Variants in HBEGF observed in about 807,000 individuals in gnomAD.
The protein encoded by HBEGF is heparin binding EGF like growth factor.
In HBEGF, 8 loss-of-function variants were observed where a neutral mutation model predicts 19.5. The observed-to-expected ratio is 0.41, with a 90% confidence interval of 0.24 to 0.74. The LOEUF is 0.74. HBEGF is among the 30% of genes least tolerant of loss of function. The pLI, the probability that HBEGF is intolerant of heterozygous loss-of-function variation, is 0.32. For synonymous variants in HBEGF, 97 were observed against 108.9 expected (o/e 0.89, Z 0.68); for missense variants, 207 against 256.9 (o/e 0.81, Z 1.33).
At chr5:140,336,663 G>A (rs144236404) in intron 3 of HBEGF, among the ~76,000 whole-genome samples, 4 of 152,230 alleles carry the variant, frequency 2.6e-5, no homozygotes, top group East Asian at 3.9e-4. Flanking sequence ...GCCTCTGCAC[G>A]CTGAGCTACC....
At chr5:140,334,317 A>C (rs1012161249) in intron 5 of HBEGF, 37 bp from the exon 6 acceptor site, 1 of 228,784 alleles carries the variant, frequency 4.4e-6, no homozygotes, top group African/African-American at 2.3e-5. Context: ...AGCCAGGTCC[A>C]GTCTAAAGAA....
intron 3 of HBEGF, among the ~76,000 whole-genome samples, chr5:140,341,952 G>A (rs1766319754): frequency 6.6e-6 from 1 of 152,198 alleles, no homozygotes; most frequent in Non-Finnish European, 1.5e-5. Context: ...GGGAAGGGGT[G>A]ATGTTGCCTG....
chr5:140,346,092 C>T lies in HBEGF; in HGVS notation c.47-8G>A. ...TCACCAGTGCCGAGAGAACTGCGGG[C>T]GAGAGGCCAGGCCGCATCAGACACC... On this transcript the variant is annotated splice_region_variant and splice_polypyrimidine_tract_variant and intron_variant, in intron 1 of 5. Coordinates refer to ENST00000230990, the MANE Select transcript of HBEGF (RefSeq NM_001945.3). This position sits in a 1 kb window ranked among gnomAD's most constrained non-coding sequence, Gnocchi z 6.1. 6.2e-7 allele frequency: 1 copy of T among 1,609,412 alleles called. No homozygotes were observed. The highest frequency in any genetic ancestry group is 8.5e-7 in the Non-Finnish European group (1 of 1,177,790).
intron 3 of HBEGF, among the ~76,000 whole-genome samples, chr5:140,339,802 A>G (rs1766281258): frequency 6.6e-6 from 1 of 152,200 alleles, no homozygotes; most frequent in African/African-American, 2.4e-5. Flanking sequence ...CAGGCTCACC[A>G]CAGCAGCCTG....
chr5:140,340,579 TCTC>T (rs1766293528), intron 3 of HBEGF, among the ~76,000 whole-genome samples: 1 of 66,302 alleles, frequency 1.5e-5, no homozygotes. Flanking sequence ...TGAGACTCTG[TCTC>T]AAAAAAAAAA....
chr5:140,346,376 G>A lies in HBEGF; in HGVS notation c.-48C>T, dbSNP rs1042184. 112,130 of 1,579,136 alleles carry A rather than the reference G, an allele frequency of 0.071. 4,558 individuals are homozygous for A. The highest frequency in any genetic ancestry group is 0.085 in the Non-Finnish European group (98,348 of 1,162,602). On this transcript the variant is annotated 5_prime_UTR_variant, in exon 1 of 6. Coordinates refer to ENST00000230990, the MANE Select transcript of HBEGF (RefSeq NM_001945.3). This position sits in a 1 kb window ranked among gnomAD's most constrained non-coding sequence, Gnocchi z 6.1. ...GCGAGGCACCAGTCACTTTCGAAGC[G>A]GCGGCCACTGGGCGCTGGCACCAGA...
At chr5:140,340,958 A>C (rs188006263) in intron 3 of HBEGF, among the ~76,000 whole-genome samples, 1 of 152,204 alleles carries the variant, frequency 6.6e-6, no homozygotes, top group Non-Finnish European at 1.5e-5. Flanking sequence ...TAGAGGTACC[A>C]AGTCCTGCCT....
chr5:140,336,505 T>G (rs938412916), intron 3 of HBEGF, among the ~76,000 whole-genome samples: 7 of 152,344 alleles, frequency 4.6e-5, no homozygotes, highest in Non-Finnish European at 7.4e-5. Context: ...CCCATCGTGC[T>G]TCCAGCGTCC....
Position 140,332,983 on chromosome 5 carries a change from G to A in HBEGF, c.*1316C>T, listed in dbSNP as rs1196100035. Reference sequence around the variant, plus strand: ...CAGCATAACTTCATCGTTTTGGTGAGGTGGGTGGGATTATACAAAGCCTTC... The same window carrying A: ...CAGCATAACTTCATCGTTTTGGTGAAGTGGGTGGGATTATACAAAGCCTTC... On this transcript the variant is annotated 3_prime_UTR_variant, in exon 6 of 6. Transcript: ENST00000230990. 6.6e-6 allele frequency: 1 copy of A among 152,560 alleles called. No individual in the cohort carries two copies. The highest frequency in any genetic ancestry group is 1.5e-5 in the Non-Finnish European group (1 of 68,026). 9.5% of individuals were successfully genotyped at this position (152,560 alleles called of 1,614,324 possible). A position where few individuals can be genotyped will look rare whatever the true frequency, so the allele number is the denominator to read the frequency against.
At chr5:140,340,367 G>A (rs1314086451) in intron 3 of HBEGF, among the ~76,000 whole-genome samples, 1 of 151,594 alleles carries the variant, frequency 6.6e-6, no homozygotes, top group Non-Finnish European at 1.5e-5. Flanking sequence ...ATCACCTGAG[G>A]TCAAGAGTTC....
intron 3 of HBEGF, 28 bp from the exon 4 acceptor site, chr5:140,336,055 T>C (rs1766223352): frequency 1.9e-6 from 3 of 1,609,214 alleles, no homozygotes; most frequent in Non-Finnish European, 2.5e-6. Flanking sequence ...AAGAAGGAGA[T>C]GGAGTTAGTG....
intron 3 of HBEGF, among the ~76,000 whole-genome samples, chr5:140,342,059 C>T (rs2126718711): frequency 6.6e-6 from 1 of 152,190 alleles, no homozygotes; most frequent in East Asian, 1.9e-4. Flanking sequence ...CAGTACTCTC[C>T]ATGTCTCCCA....
At chr5:140,340,766 A>G (rs1226967983) in intron 3 of HBEGF, among the ~76,000 whole-genome samples, 2 of 152,188 alleles carry the variant, frequency 1.3e-5, no homozygotes, top group Admixed American at 6.5e-5. Context: ...CTCCAACTCT[A>G]TAAGGACAGA....
chr5:140,345,833 C>T (rs1766390542), intron 2 of HBEGF, 78 bp downstream of exon 2: 1 of 1,572,508 alleles, frequency 6.4e-7, no homozygotes, highest in East Asian at 2.2e-5. Context: ...ACAGTATTGC[C>T]CAAACAGCAA....
intron 3 of HBEGF, among the ~76,000 whole-genome samples, chr5:140,340,010 G>T (rs996949238): frequency 6.6e-6 from 1 of 152,226 alleles, no homozygotes; most frequent in African/African-American, 2.4e-5. Context: ...ATCTGCCCAG[G>T]AAGTGGTGGC....
rs1766177134 is a variant in HBEGF, at chr5:140,333,069, C to T, written c.*1230G>A. The T allele has an allele frequency of 6.5e-6, 1 of 152,700 alleles. No individual in the cohort carries two copies. The highest frequency in any genetic ancestry group is 6.5e-5 in the Admixed American group (1 of 15,288). 9.5% of individuals were successfully genotyped at this position (152,700 alleles called of 1,614,324 possible). On this transcript the variant is annotated 3_prime_UTR_variant, in exon 6 of 6. Transcript: ENST00000230990. ...AATCAGTTACCAAGAACAGTCAGCTCCAATGTTCCCTGTTCCTTCTCAGCC... is the reference window on the plus strand; with the variant it reads ...AATCAGTTACCAAGAACAGTCAGCTTCAATGTTCCCTGTTCCTTCTCAGCC...
At chr5:140,334,457 G>C (rs1170273028) in intron 5 of HBEGF, among the ~76,000 whole-genome samples, 177 bp from the exon 6 acceptor site, 1 of 152,132 alleles carries the variant, frequency 6.6e-6, no homozygotes, top group Non-Finnish European at 1.5e-5. Context: ...GTCCTCTCAG[G>C]CATCTCTCTT....
intron 3 of HBEGF, among the ~76,000 whole-genome samples, chr5:140,341,080 T>C (rs1290598794): frequency 6.6e-6 from 1 of 152,176 alleles, no homozygotes; most frequent in African/African-American, 2.4e-5. Context: ...TCATATTATA[T>C]ATAAACACTG....
chr5:140,346,276 C>G lies in HBEGF; in HGVS notation c.46+7G>C. The stretch of plus-strand genomic sequence containing the variant: ...CCGATCTCCGGGGGCGTCGGCAGCC[C>G]TCTTACCTGCAGCCAGAAAGAGCTT... On this transcript the variant is annotated splice_region_variant and intron_variant, in intron 1 of 5. Transcript: ENST00000230990. This position sits in a 1 kb window ranked among gnomAD's most constrained non-coding sequence, Gnocchi z 6.1. The G allele has an allele frequency of 1.9e-6, 3 of 1,604,566 alleles. No individual in the cohort carries two copies. The highest frequency in any genetic ancestry group is 2.6e-6 in the Non-Finnish European group (3 of 1,176,150).
Sources: allele counts gnomAD v4.1 joint callset (sites outside exome capture counted in the v4.1 genomes callset), GRCh38; gene constraint gnomAD v4.1.1; non-coding constraint Gnocchi (gnomAD v3.1); transcripts MANE v1.5; gene names NCBI Gene and HGNC (gene_info 2026-07-23, HGNC 2026-07-21).